ASAH1: variants seen among roughly 807,000 people sequenced by gnomAD.
ASAH1 encodes the protein N-acylsphingosine amidohydrolase 1, also known as acid ceramidase.
Under a neutral mutation model 59.5 loss-of-function variants are expected in ASAH1, and 70 were observed. The observed-to-expected ratio is 1.18, with a 90% CI of 0.97 to 1.43. The LOEUF (loss-of-function observed/expected upper bound fraction) is 1.43. Ranked by LOEUF, ASAH1 falls within the 40% of genes most tolerant of loss-of-function variation. The probability of loss-of-function intolerance (pLI) is 0.00; values close to 1 mark genes in which losing one functional copy is unlikely to be tolerated. For synonymous variants in ASAH1, 213 were observed against 166.5 expected (o/e 1.28, Z -2.15); for missense variants, 660 against 482.5 (o/e 1.37, Z -3.45).
chr8:18,064,430 G>T, intron 6 of ASAH1, 27 bp downstream of exon 6: 2 of 1,489,384 alleles, frequency 1.3e-6, no homozygotes, highest in Non-Finnish European at 9.3e-7. Context: ...GCTTCATGCT[G>T]CCCACCCTCC....
intron 1 of ASAH1, among the ~76,000 whole-genome samples, chr8:18,079,499 T>TA (rs1468713557): frequency 1.3e-5 from 2 of 151,796 alleles, no homozygotes; most frequent in Admixed American, 6.6e-5. Context: ...GCCATACCCT[T>TA]AAAAAATGGC....
chr8:18,084,243 C>A, upstream of ASAH1: 1 of 1,466,772 alleles, frequency 6.8e-7, no homozygotes, highest in Non-Finnish European at 9.0e-7. Context: ...TTCAGTGCCA[C>A]GAAAAGGGTG....
At chr8:18,075,767 T>A in intron 1 of ASAH1, 180 bp from the exon 2 acceptor site, 3 of 616,170 alleles carry the variant, frequency 4.9e-6, no homozygotes, top group Non-Finnish European at 5.7e-6. Context: ...TCCTAAACCA[T>A]TAAGTGGATT....
rs5889764 is a variant in ASAH1 at position 18,057,356 on chromosome 8, TA to T, written c.*177del. On this transcript the variant is annotated 3_prime_UTR_variant, in exon 14 of 14. Coordinates refer to ENST00000637790, the MANE Select transcript of ASAH1 (RefSeq NM_177924.5). ...TCTGTAAATAAGAAAAATCAACTGA[TA>T]GGGGGAAAAAAAAAAGATCTGTCAT... is the stretch of plus-strand genomic sequence containing the variant. 0.074 allele frequency: 32,442 copies of T among 436,694 alleles called. 1,667 individuals are homozygous for T. Among genetic ancestry groups the T allele is most frequent in the African/African-American group, 0.18 (8,807 of 48,992 alleles). The allele number at this position is 436,694 out of a possible 1,614,324, so 27.1% of individuals were successfully genotyped here. A position where few individuals can be genotyped will look rare whatever the true frequency, so the allele number is the denominator to read the frequency against.
At chr8:18,084,780 C>A (rs1374263953), upstream of ASAH1, 2 of 1,613,512 alleles carry the variant, frequency 1.2e-6, no homozygotes, top group South Asian at 1.1e-5. Context: ...GCTTTCTCTC[C>A]CAGCCCGATG....
At chr8:18,061,503 T>G in intron 9 of ASAH1, 45 bp from the exon 10 acceptor site, 1 of 1,540,716 alleles carries the variant, frequency 6.5e-7, no homozygotes, top group Non-Finnish European at 9.0e-7. Context: ...GAGGTGACAC[T>G]ATGTAACCAG....
chr8:18,069,212 A>T (rs1800056963), intron 4 of ASAH1, among the ~76,000 whole-genome samples: 1 of 151,888 alleles, frequency 6.6e-6, no homozygotes, highest in Non-Finnish European at 1.5e-5. Flanking sequence ...ATCAAGAGCA[A>T]TGAGGATCCC....
At chr8:18,062,552 T>A in intron 7 of ASAH1, 129 bp from the exon 8 acceptor site, 1 of 1,027,724 alleles carries the variant, frequency 9.7e-7, no homozygotes, top group Non-Finnish European at 1.5e-6. Flanking sequence ...TAACAAGACC[T>A]TTACAATATG....
chr8:18,057,507 G>A lies in ASAH1; in HGVS notation c.*27C>T, dbSNP rs773149410. On this transcript the variant is annotated 3_prime_UTR_variant, in exon 14 of 14. Coordinates refer to ENST00000637790, the MANE Select transcript of ASAH1 (RefSeq NM_177924.5). ...GAGATGGTGTCTTCATGTCTCAGAG[G>A]CCGCATTCTGTAGGCCAGACGTGTG... 5.2e-6 allele frequency: 8 copies of A among 1,549,368 alleles called. No individual in the cohort carries two copies. The highest frequency in any genetic ancestry group is 7.1e-6 in the Non-Finnish European group (8 of 1,128,500).
intron 1 of ASAH1, chr8:18,083,318 T>C (rs970064073): frequency 6.5e-6 from 1 of 152,718 alleles, no homozygotes; most frequent in Non-Finnish European, 1.5e-5. Flanking sequence ...CTAAATATTT[T>C]CTCACTCTAG....
At chr8:18,069,414 C>T (rs1269714756) in intron 4 of ASAH1, 1 of 201,894 alleles carries the variant, frequency 5.0e-6, no homozygotes, top group Non-Finnish European at 1.0e-5. Flanking sequence ...AGGGGCCAGG[C>T]TGAGTATGTC....
At chr8:18,068,963 G>T (rs1394528634) in intron 4 of ASAH1, among the ~76,000 whole-genome samples, 2 of 152,002 alleles carry the variant, frequency 1.3e-5, no homozygotes, top group Admixed American at 1.3e-4. Context: ...GACACAGCAA[G>T]CCTCCGTCTC....
At chr8:18,084,939 G>T (rs531134948), upstream of ASAH1, 158 of 1,291,734 alleles carry the variant, frequency 1.2e-4, 1 homozygote, top group South Asian at 7.9e-4. Flanking sequence ...CAGTCGCGCG[G>T]GTAGGTGACC....
chr8:18,084,120 CG>C, upstream of ASAH1: 1 of 1,585,840 alleles, frequency 6.3e-7, no homozygotes, highest in Non-Finnish European at 8.5e-7. Context: ...CCGGCTGGGC[CG>C]GGGGCAGGCC....
rs761017863 is a variant in ASAH1 at position 18,057,641 on chromosome 8, T to C, written c.1099-18A>G. On this transcript the variant is annotated intron_variant, in intron 13 of 13. Coordinates refer to ENST00000637790, the MANE Select transcript of ASAH1 (RefSeq NM_177924.5). ...ACGGTCAGCTGAAAGAAAAGTTATT[T>C]TTACTTTAAGGACGTTTTCAATTCA... 3.8e-6 allele frequency: 6 copies of C among 1,568,500 alleles called. No individual in the cohort carries two copies. The highest frequency in any genetic ancestry group is 5.2e-6 in the Non-Finnish European group (6 of 1,147,294).
chr8:18,072,713 T>C (rs1411414590), intron 2 of ASAH1, among the ~76,000 whole-genome samples: 2 of 152,192 alleles, frequency 1.3e-5, no homozygotes, highest in Non-Finnish European at 2.9e-5. Flanking sequence ...ATGTAAAATT[T>C]TGTCCCACAA....
At position 18,061,397 on chromosome 8, in the gene ASAH1, T is replaced by C. The variant is rs377336041; in HGVS notation, c.765A>G (p.Thr255=). 3.7e-6 allele frequency: 6 copies of C among 1,612,532 alleles called. No homozygotes were observed. The highest frequency in any genetic ancestry group is 2.2e-5 in the East Asian group (1 of 44,888). The stretch of plus-strand genomic sequence containing the variant: ...TTTACCTTGTGCTATTTTCCAGAAC[T>C]GTTCTAGTGAGGAACCCTATCCACA... The part of the protein sequence containing the change: ...DVMWIGFLTR[T]VLENSTSYEE... The change falls in exon 10 of 14, where the codon ACA becomes ACG. Residue 255 remains threonine, a synonymous_variant. Coordinates refer to ENST00000637790, the MANE Select transcript of ASAH1 (RefSeq NM_177924.5).
At chr8:18,083,554 C>G in intron 1 of ASAH1, 1 of 281,450 alleles carries the variant, frequency 3.6e-6, no homozygotes, top group South Asian at 3.2e-5. Flanking sequence ...CCTGCAGTAT[C>G]CTGGGCTGAA....
rs116160319 is a variant in ASAH1 at position 18,062,534 on chromosome 8, A to C, written c.504-111T>G. 3.8e-4 allele frequency: 451 copies of C among 1,192,890 alleles called. No individual in the cohort carries two copies. The African/African-American group carries it at 5.3e-3, about 14-fold the overall frequency. 73.9% of individuals were successfully genotyped at this position (1,192,890 alleles called of 1,614,324 possible). A position where few individuals can be genotyped will look rare whatever the true frequency, so the allele number is the denominator to read the frequency against. Reference sequence around the variant, plus strand: ...GAGCTTTATTTACCGAGTCACCACGATCAATCCTAACAAGACCTTTACAAT... The same window carrying C: ...GAGCTTTATTTACCGAGTCACCACGCTCAATCCTAACAAGACCTTTACAAT... On this transcript the variant is annotated intron_variant, in intron 7 of 13. Coordinates refer to ENST00000637790, the MANE Select transcript of ASAH1 (RefSeq NM_177924.5).
Sources: gnomAD v4.1 joint callset for allele counts (sites outside exome capture counted in the v4.1 genomes callset) on GRCh38, gnomAD v4.1.1 for gene constraint, MANE v1.5 for transcripts, NCBI Gene and HGNC (gene_info 2026-07-23, HGNC 2026-07-21) for gene names.